KAZN: variants seen among roughly 807,000 people sequenced by gnomAD.
The protein encoded by KAZN is kazrin.
A neutral mutation model predicts 87.4 loss-of-function variants in KAZN; 40 were observed. That is an observed-to-expected ratio of 0.46 (90% CI 0.36 to 0.60). The LOEUF (loss-of-function observed/expected upper bound fraction) is 0.60, where lower values mean the gene tolerates loss of function less well. Ranked by LOEUF, KAZN falls within the 20% of genes least tolerant of loss-of-function variation. The pLI, the probability that KAZN is intolerant of heterozygous loss-of-function variation, is 0.00. For synonymous variants in KAZN, 466 were observed against 458.3 expected (o/e 1.02, Z -0.22); for missense variants, 898 against 1,073.9 (o/e 0.84, Z 2.29).
chr1:14,178,119 T>G (rs1646123918), intron 1 of KAZN, among the ~76,000 whole-genome samples: 1 of 152,172 alleles, frequency 6.6e-6, no homozygotes, highest in African/African-American at 2.4e-5. Flanking sequence ...TTTCCCCTGC[T>G]GGCACTCATT....
intron 1 of KAZN, among the ~76,000 whole-genome samples, chr1:14,860,649 C>T (rs529512467): frequency 3.3e-5 from 5 of 152,242 alleles, no homozygotes; most frequent in African/African-American, 9.6e-5. Flanking sequence ...GAAAGAAAAT[C>T]GGTATTTTCT....
At chr1:14,256,411 A>G (rs1250368242) in intron 2 of KAZN, among the ~76,000 whole-genome samples, 1 of 152,020 alleles carries the variant, frequency 6.6e-6, no homozygotes, top group Non-Finnish European at 1.5e-5. Context: ...AGAAGGAGAG[A>G]GGGAAAGGAA....
intron 13 of KAZN, among the ~76,000 whole-genome samples, chr1:15,105,747 C>T (rs1228692461): frequency 6.6e-6 from 1 of 152,072 alleles, no homozygotes; most frequent in African/African-American, 2.4e-5. Flanking sequence ...AAAAATTGTG[C>T]ATGTATGGCA....
At chr1:14,571,624 C>T (rs751208470) in intron 2 of KAZN, among the ~76,000 whole-genome samples, 66 of 152,262 alleles carry the variant, frequency 4.3e-4, no homozygotes, top group Non-Finnish European at 8.2e-4. Context: ...GAGCAGGGAG[C>T]GCCCCCACTC....
intron 2 of KAZN, among the ~76,000 whole-genome samples, chr1:14,997,022 CCCTGATG>C (rs1667938636): frequency 6.6e-6 from 1 of 152,080 alleles, no homozygotes; most frequent in Non-Finnish European, 1.5e-5. Context: ...CCCCAGCATT[CCCTGATG>C]CCTGGAGTTC....
intron 1 of KAZN, among the ~76,000 whole-genome samples, chr1:14,125,898 G>A (rs1644854449): frequency 6.9e-6 from 1 of 144,724 alleles, no homozygotes; most frequent in South Asian, 2.2e-4. Flanking sequence ...CAGGATTGAG[G>A]AACCATGGGA....
chr1:14,057,400 T>G (rs1642620756), intron 1 of KAZN, among the ~76,000 whole-genome samples: 1 of 152,178 alleles, frequency 6.6e-6, no homozygotes, highest in African/African-American at 2.4e-5. Flanking sequence ...CCCAAAGTGC[T>G]GGGATTATAG....
chr1:14,997,273 T>C (rs1667993729), intron 2 of KAZN, among the ~76,000 whole-genome samples: 1 of 151,386 alleles, frequency 6.6e-6, no homozygotes, highest in South Asian at 2.1e-4. Context: ...AAAGTTTCAC[T>C]CTTGTTGCCC....
chr1:14,436,807 TGA>T (rs1666423339), intron 2 of KAZN, among the ~76,000 whole-genome samples: 1 of 151,146 alleles, frequency 6.6e-6, no homozygotes, highest in African/African-American at 2.4e-5. Context: ...ATCAAGGCCC[TGA>T]GATGTTAAGT....
chr1:14,793,271 A>G (rs1237546165), intron 1 of KAZN, among the ~76,000 whole-genome samples: 1 of 152,132 alleles, frequency 6.6e-6, no homozygotes, highest in Non-Finnish European at 1.5e-5. Context: ...TTGCTAGACC[A>G]AGGAAAGAGA....
chr1:14,800,621 T>C (rs892928904), intron 1 of KAZN, among the ~76,000 whole-genome samples: 1 of 152,166 alleles, frequency 6.6e-6, no homozygotes. Context: ...GGAGGATCGC[T>C]TGAGCCTGGG....
intron 1 of KAZN, among the ~76,000 whole-genome samples, chr1:14,693,009 T>C (rs1156379435): frequency 2.6e-5 from 4 of 152,152 alleles, no homozygotes; most frequent in African/African-American, 9.7e-5. Flanking sequence ...AGTTCTGGTC[T>C]TCTCAGGGGT....
At chr1:14,220,964 C>T (rs1413822004) in intron 2 of KAZN, among the ~76,000 whole-genome samples, 1 of 152,150 alleles carries the variant, frequency 6.6e-6, no homozygotes, top group African/African-American at 2.4e-5. Context: ...TCCGCTTATC[C>T]ATCTGCTTGT....
chr1:14,590,401 A>G (rs1676124247), intron 2 of KAZN, among the ~76,000 whole-genome samples: 1 of 152,176 alleles, frequency 6.6e-6, no homozygotes. Flanking sequence ...AAGGTCTCTC[A>G]CTGCCTCAGC....
At chr1:14,887,666 G>GTTTT (rs79148240) in intron 1 of KAZN, among the ~76,000 whole-genome samples, 1 of 137,220 alleles carries the variant, frequency 7.3e-6, no homozygotes, top group African/African-American at 2.7e-5. Flanking sequence ...CGTCGTGGTA[G>GTTTT]TTTTTTTTTT....
chr1:14,097,586 G>A lies in KAZN; in HGVS notation c.92-82849G>A, dbSNP rs544720113. Among the ~76,000 whole-genome samples the A allele has an allele frequency of 5.9e-5, 9 of 152,260 alleles. No homozygotes were observed. The South Asian group carries it at 1.7e-3, about 28-fold the overall frequency. ...CAGTAATGAAAGTAGACAACAGCCT[G>A]CAATTACAGAATAATGTATGTGAGG... On this transcript the variant is annotated intron_variant, in intron 1 of 16. Coordinates refer to the KAZN transcript ENST00000636203.
At chr1:15,049,817 G>C (rs1016358461) in intron 4 of KAZN, among the ~76,000 whole-genome samples, 1 of 152,114 alleles carries the variant, frequency 6.6e-6, no homozygotes, top group African/African-American at 2.4e-5. Flanking sequence ...CTGAGGTCAG[G>C]AGTTCAAGAC....
intron 1 of KAZN, among the ~76,000 whole-genome samples, chr1:13,998,367 C>T (rs901903813): frequency 1.6e-4 from 24 of 152,192 alleles, no homozygotes; most frequent in Admixed American, 2.0e-4. Context: ...CAAATTCACA[C>T]ATAACAATAC....
rs57203868 is a variant in KAZN at position 14,727,450 on chromosome 1, CTTTTTTTTTTTT to C, written c.226+128262_226+128273del. 5.4e-4 allele frequency among the ~76,000 whole-genome samples: 40 copies of C among 73,894 alleles called. 1 individual carries two copies. The highest frequency in any genetic ancestry group is 7.4e-4 in the Non-Finnish European group (29 of 38,984). The allele number at this position is 73,894 out of a possible 152,430, so 48.5% of individuals were successfully genotyped here. A position where few individuals can be genotyped will look rare whatever the true frequency, so the allele number is the denominator to read the frequency against. The stretch of plus-strand genomic sequence containing the variant: ...GTCCATCACATTTATTGTGCACTTT[CTTTTTTTTTTTT>C]TTTTTTTTTTTTTTTTTTTTTTTTT... On this transcript the variant is annotated intron_variant, in intron 1 of 14. Coordinates refer to ENST00000376030, the MANE Select transcript of KAZN (RefSeq NM_201628.3).
Sources: gnomAD v4.1 joint callset for allele counts (sites outside exome capture counted in the v4.1 genomes callset) on GRCh38, gnomAD v4.1.1 for gene constraint, MANE v1.5 for transcripts, NCBI Gene and HGNC (gene_info 2026-07-23, HGNC 2026-07-21) for gene names.